Variants in IRAK1BP1 observed in about 807,000 individuals in gnomAD.
The protein encoded by IRAK1BP1 is interleukin-1 receptor-associated kinase 1-binding protein 1.
A neutral mutation model predicts 28.0 loss-of-function variants in IRAK1BP1; 24 were observed. The observed-to-expected ratio is 0.86, with a 90% CI of 0.62 to 1.20. IRAK1BP1 has a LOEUF of 1.20. Among genes scored for constraint, IRAK1BP1 ranks in the 50% most tolerant of loss-of-function variants. The pLI, the probability that IRAK1BP1 is intolerant of heterozygous loss-of-function variation, is 0.00. For synonymous variants in IRAK1BP1, 131 were observed against 116.3 expected, an observed-to-expected ratio of 1.13 and a Z score of -0.81; for missense variants, 336 against 316.7, an observed-to-expected ratio of 1.06 and a Z score of -0.46.
chr6:78,977,290 A>C, the IRAK1BP1 span, among the ~76,000 whole-genome samples: 2 of 149,144 alleles, frequency 1.3e-5, no homozygotes, highest in African/African-American at 4.9e-5. Context: ...AAAACCAAAC[A>C]CCGCATATTC....
At chr6:78,948,627 G>A (rs543741992), downstream of IRAK1BP1, among the ~76,000 whole-genome samples, 10 of 151,882 alleles carry the variant, frequency 6.6e-5, no homozygotes, top group East Asian at 1.9e-4. Context: ...CTCAAGTAGC[G>A]GGGACTACAG....
chr6:78,874,909 A>G (rs1338800416), intron 1 of IRAK1BP1, among the ~76,000 whole-genome samples: 4 of 152,222 alleles, frequency 2.6e-5, no homozygotes, highest in African/African-American at 4.8e-5. Flanking sequence ...TAATTAAACT[A>G]AAGAGCTTCT....
intron 4 of IRAK1BP1, chr6:78,940,634 T>C (rs1318647342): frequency 4.4e-5 from 46 of 1,051,748 alleles, no homozygotes; most frequent in Middle Eastern, 6.2e-4. Flanking sequence ...GCCTTAGTTC[T>C]ACTTATTCCT....
chr6:78,905,634 C>G (rs1174614346), downstream of IRAK1BP1, among the ~76,000 whole-genome samples: 1 of 152,118 alleles, frequency 6.6e-6, no homozygotes, highest in Non-Finnish European at 1.5e-5. Context: ...TTGAATCTTG[C>G]TCTGTTGCCC....
At chr6:78,891,501 A>T (rs545103390) in intron 2 of IRAK1BP1, among the ~76,000 whole-genome samples, 2 of 148,540 alleles carry the variant, frequency 1.3e-5, no homozygotes, top group African/African-American at 5.0e-5. Flanking sequence ...CACTCTTGTC[A>T]CCCAGGCTGG....
intron 4 of IRAK1BP1, among the ~76,000 whole-genome samples, chr6:78,921,589 C>A (rs1237278026): frequency 1.3e-5 from 2 of 152,184 alleles, no homozygotes; most frequent in South Asian, 2.1e-4. Flanking sequence ...GTTCTCCCAG[C>A]ACACAGCTGG....
At chr6:78,891,437 A>T (rs1351128852) in intron 2 of IRAK1BP1, among the ~76,000 whole-genome samples, 1 of 151,600 alleles carries the variant, frequency 6.6e-6, no homozygotes, top group Non-Finnish European at 1.5e-5. Context: ...TGTTATTTTC[A>T]TGTTATAACC....
At chr6:78,970,696 G>T in the IRAK1BP1 span, 1 of 817,784 alleles carries the variant, frequency 1.2e-6, no homozygotes, top group Non-Finnish European at 2.0e-6. Flanking sequence ...GTTTCTTATT[G>T]TGTTAATAGT....
rs1240410804 is a variant in IRAK1BP1 at position 78,901,598 on chromosome 6, T to C, written c.*3264T>C. On this transcript the variant is annotated 3_prime_UTR_variant, in exon 4 of 4. Transcript: ENST00000369940. ...CTATTTTCTGAAAGACAAACAAAAATTCTAAATAGGATATTTGAAACAGAC... is the reference window on the plus strand; with the variant it reads ...CTATTTTCTGAAAGACAAACAAAAACTCTAAATAGGATATTTGAAACAGAC... 1 of 152,014 alleles carries C rather than the reference T, an allele frequency of 6.6e-6. No homozygotes were observed. Among genetic ancestry groups the C allele is most frequent in the Non-Finnish European group, 1.5e-5 (1 of 67,974 alleles). 9.4% of individuals were successfully genotyped at this position (152,014 alleles called of 1,614,324 possible).
At chr6:78,978,925 G>A in the IRAK1BP1 span, among the ~76,000 whole-genome samples, 5 of 152,022 alleles carry the variant, frequency 3.3e-5, no homozygotes, top group Admixed American at 2.6e-4. Context: ...ATTCCACAAA[G>A]TTCCAACAGG....
rs139391347 is a variant in IRAK1BP1, at chr6:78,878,965, G to T, written c.316-6413G>T. ...TACAGAAAAAAGAGTAAAAATAAAC[G>T]AACAAAGCCTCCAAGAAATATGCGA... On this transcript the variant is annotated intron_variant, in intron 1 of 3. Transcript: ENST00000369940. 1.2e-3 allele frequency among the ~76,000 whole-genome samples: 187 copies of T among 152,218 alleles called. 1 individual carries two copies. Among genetic ancestry groups the T allele is most frequent in the African/African-American group, 4.4e-3 (181 of 41,512 alleles).
chr6:78,919,932 A>T (rs1772674935), intron 4 of IRAK1BP1, among the ~76,000 whole-genome samples: 1 of 152,168 alleles, frequency 6.6e-6, no homozygotes, highest in Admixed American at 6.6e-5. Flanking sequence ...TCAACATAAT[A>T]CTAGCAAACT....
chr6:78,929,988 G>A (rs555522149), intron 4 of IRAK1BP1, among the ~76,000 whole-genome samples: 1 of 152,128 alleles, frequency 6.6e-6, no homozygotes, highest in Non-Finnish European at 1.5e-5. Context: ...TCAGGCTGGA[G>A]TGCAGTGGCA....
chr6:78,946,479 A>G (rs1773826120), downstream of IRAK1BP1: 2 of 1,397,940 alleles, frequency 1.4e-6, no homozygotes, highest in African/African-American at 1.5e-5. Flanking sequence ...TGATGCCATC[A>G]CTATCCTAAA....
At chr6:78,882,090 A>T (rs886712336) in intron 1 of IRAK1BP1, among the ~76,000 whole-genome samples, 3 of 152,152 alleles carry the variant, frequency 2.0e-5, no homozygotes, top group Non-Finnish European at 2.9e-5. Flanking sequence ...CCCCAATAGC[A>T]GTGAGCAGTC....
chr6:78,871,250 A>T (rs955240347), intron 1 of IRAK1BP1: 1 of 984,710 alleles, frequency 1.0e-6, no homozygotes, highest in South Asian at 4.7e-5. Context: ...TGACCTCACA[A>T]TGTCTGGTCC....
chr6:78,978,005 A>G, the IRAK1BP1 span, among the ~76,000 whole-genome samples: 2 of 152,162 alleles, frequency 1.3e-5, no homozygotes, highest in Admixed American at 1.3e-4. Context: ...ATTTGTGTAC[A>G]AAACAAGGAG....
intron 1 of IRAK1BP1, among the ~76,000 whole-genome samples, chr6:78,880,527 A>G (rs1026018801): frequency 6.6e-6 from 1 of 152,242 alleles, no homozygotes; most frequent in Non-Finnish European, 1.5e-5. Context: ...AAGTCAATCT[A>G]TAGACTGGGA....
chr6:78,957,125 G>C, the IRAK1BP1 span: 2 of 152,010 alleles, frequency 1.3e-5, no homozygotes, highest in Non-Finnish European at 2.9e-5. Flanking sequence ...AGTATTTCAT[G>C]AATCTGACTT....
Sources: allele counts gnomAD v4.1 joint callset (sites outside exome capture counted in the v4.1 genomes callset), GRCh38; gene constraint gnomAD v4.1.1; transcripts MANE v1.5; gene names NCBI Gene and HGNC (gene_info 2026-07-23, HGNC 2026-07-21).